The following OLFML2B variants were observed in gnomAD, a reference collection of about 807,000 sequenced individuals.
OLFML2B encodes the protein olfactomedin-like protein 2B.
OLFML2B carries 57 observed loss-of-function variants against 74.9 expected under a neutral mutation model. That is an observed-to-expected ratio of 0.76 (90% CI 0.61 to 0.95). The LOEUF (loss-of-function observed/expected upper bound fraction) is 0.95. Among genes scored for constraint, OLFML2B ranks in the 40% least tolerant of loss-of-function variants. The pLI is 0.00. For missense variants in OLFML2B, 986 were observed against 970.6 expected, an observed-to-expected ratio of 1.02 and a Z score of -0.21; for synonymous variants, 388 against 405.8, an observed-to-expected ratio of 0.96 and a Z score of 0.53.
rs1046521027 is a variant in OLFML2B, at chr1:162,023,546, G to A, written c.-116C>T. 7.4e-6 allele frequency: 8 copies of A among 1,085,686 alleles called. No homozygotes were observed. Among genetic ancestry groups the A allele is most frequent in the Non-Finnish European group, 9.9e-6 (8 of 804,192 alleles). The allele number at this position is 1,085,686 out of a possible 1,614,324, so 67.3% of individuals were successfully genotyped here. ...TAGAGCCCGAAAGTGGCTGCTGAGAGCACCTTCTAAAGCTGGGTGCGGCTG... is the reference window on the plus strand; with the variant it reads ...TAGAGCCCGAAAGTGGCTGCTGAGAACACCTTCTAAAGCTGGGTGCGGCTG... On this transcript the variant is annotated 5_prime_UTR_variant, in exon 1 of 8. Transcript: ENST00000294794.
At chr1:161,988,758 T>G (rs1689657206) in intron 6 of OLFML2B, among the ~76,000 whole-genome samples, 1 of 152,070 alleles carries the variant, frequency 6.6e-6, no homozygotes, top group Non-Finnish European at 1.5e-5. Context: ...ACTCAGCTCC[T>G]GCCAACAACT....
rs1396633158 is a variant in OLFML2B at position 161,984,798 on chromosome 1, A to G, written c.1651+6T>C. ...GAGCAGTCTGGGTTGGATCTTTATC[A>G]TGTACCTTGTTTGAAGTTCTCCAGG... On this transcript the variant is annotated splice_donor_region_variant and intron_variant, in intron 7 of 7. Transcript: ENST00000294794. 3.1e-6 allele frequency: 5 copies of G among 1,613,052 alleles called. No homozygotes were observed. Among genetic ancestry groups the G allele is most frequent in the Non-Finnish European group, 4.2e-6 (5 of 1,179,478 alleles).
chr1:161,991,678 G>A (rs1160119257), intron 6 of OLFML2B, among the ~76,000 whole-genome samples: 1 of 152,242 alleles, frequency 6.6e-6, no homozygotes, highest in African/African-American at 2.4e-5. Flanking sequence ...AGAGGTTGCA[G>A]TGAGCTGAAA....
intron 4 of OLFML2B, among the ~76,000 whole-genome samples, chr1:162,004,990 C>A (rs920204048): frequency 3.9e-5 from 6 of 152,198 alleles, no homozygotes; most frequent in African/African-American, 1.2e-4. Context: ...GCCCAGTGAC[C>A]CCTTTTATAA....
chr1:162,019,743 A>T (rs1191852749), intron 2 of OLFML2B, among the ~76,000 whole-genome samples, 176 bp downstream of exon 2: 1 of 152,090 alleles, frequency 6.6e-6, no homozygotes, highest in African/African-American at 2.4e-5. Flanking sequence ...TCCCTTATAC[A>T]CCAGAGCTGA....
chr1:161,997,881 G>T lies in OLFML2B; in HGVS notation c.1418C>A (p.Thr473Asn). Residue 473 changes from threonine (T) to asparagine (N), a missense_variant, in exon 6 of 8, where the codon ACC becomes AAC. Transcript: ENST00000294794. ...GGGGCTCAGCGTGGGGCTGGCAGGG[G>T]TTGTTCCCCACCCAGCAGGAGCATC... is the stretch of plus-strand genomic sequence containing the variant. ...GKDAPAGWGT[T>N]PASPTLSPEE... 3 of 1,614,192 alleles carry T rather than the reference G, an allele frequency of 1.9e-6. No homozygotes were observed. Among genetic ancestry groups the T allele is most frequent in the Non-Finnish European group, 2.5e-6 (3 of 1,180,034 alleles).
chr1:162,003,330 T>C (rs1690130994), intron 4 of OLFML2B, among the ~76,000 whole-genome samples: 1 of 152,242 alleles, frequency 6.6e-6, no homozygotes, highest in Non-Finnish European at 1.5e-5. Context: ...CGGCATCTAA[T>C]TACCGGACCC....
At chr1:161,984,404 TC>T in intron 7 of OLFML2B, 128 bp from the exon 8 acceptor site, 6 of 1,241,544 alleles carry the variant, frequency 4.8e-6, no homozygotes, top group Non-Finnish European at 6.5e-6. Flanking sequence ...TCTGCCACTT[TC>T]TAGCATCCTG....
intron 6 of OLFML2B, among the ~76,000 whole-genome samples, chr1:161,997,139 A>G (rs557835577): frequency 9.8e-5 from 15 of 152,346 alleles, no homozygotes; most frequent in Admixed American, 2.0e-4. Flanking sequence ...CCTGGGCGAC[A>G]GAGCGAGACT....
At position 161,999,500 on chromosome 1, in the gene OLFML2B, G is replaced by T. The variant is rs201829662; in HGVS notation, c.949+613C>A. Among the ~76,000 whole-genome samples, 37 of 152,288 alleles carry T rather than the reference G, an allele frequency of 2.4e-4. 1 individual carries two copies. The East Asian group carries it at 6.2e-3, about 25-fold the overall frequency. On this transcript the variant is annotated intron_variant, in intron 5 of 7. Coordinates refer to ENST00000294794, the MANE Select transcript of OLFML2B (RefSeq NM_015441.3). ...AGGAAGCTGCTGCATCAGCCCTGAT[G>T]GGGAAGGACTCGCTCAGACATACTG...
At chr1:162,003,907 T>G (rs1690149063) in intron 4 of OLFML2B, among the ~76,000 whole-genome samples, 1 of 152,160 alleles carries the variant, frequency 6.6e-6, no homozygotes, top group South Asian at 2.1e-4. Flanking sequence ...TTCCCCTTTC[T>G]GCCCCACCAC....
intron 4 of OLFML2B, among the ~76,000 whole-genome samples, chr1:162,005,484 G>C (rs745465731): frequency 6.6e-6 from 1 of 152,190 alleles, no homozygotes; most frequent in Non-Finnish European, 1.5e-5. Flanking sequence ...CAGCCACATG[G>C]TATAGTTATG....
intron 5 of OLFML2B, among the ~76,000 whole-genome samples, chr1:161,999,386 CA>C (rs67455805): frequency 6.6e-6 from 1 of 151,504 alleles, no homozygotes; most frequent in Non-Finnish European, 1.5e-5. Flanking sequence ...AAAAAATGAC[CA>C]AAAAAAACAC....
intron 3 of OLFML2B, among the ~76,000 whole-genome samples, chr1:162,010,190 A>G (rs1224182715): frequency 1.3e-5 from 2 of 152,232 alleles, no homozygotes; most frequent in African/African-American, 2.4e-5. Context: ...AACTGTGGCA[A>G]TGAAAGATTT....
Position 161,998,312 on chromosome 1 carries a change from CAAA to C in OLFML2B, c.984_986del (p.Asp328_Leu329delinsGlu), listed in dbSNP as rs1689980786. On this transcript the variant is annotated inframe_deletion, in exon 6 of 8. Transcript: ENST00000294794. ...GTCTCAGGAGCTGATCTTCAATCAGCAAATCCACTCCATTGTCACCGCTGAAAA... is the reference window on the plus strand; with the variant it reads ...GTCTCAGGAGCTGATCTTCAATCAGCTCCACTCCATTGTCACCGCTGAAAA... The C allele has an allele frequency of 5.1e-6, 8 of 1,579,636 alleles. No homozygotes were observed. The highest frequency in any genetic ancestry group is 6.9e-6 in the Non-Finnish European group (8 of 1,156,952).
chr1:162,023,725 C>G lies in OLFML2B; in HGVS notation c.-295G>C. 4.5e-6 allele frequency: 1 copy of G among 221,320 alleles called. No homozygotes were observed. Among genetic ancestry groups the G allele is most frequent in the South Asian group, 1.7e-4 (1 of 5,734 alleles). The allele number at this position is 221,320 out of a possible 1,614,324, so 13.7% of individuals were successfully genotyped here. On this transcript the variant is annotated 5_prime_UTR_variant, in exon 1 of 8. Transcript: ENST00000294794. ...GCACGGGCTAGCTGAGCGAGTCGCCCGCAGGAGGGCTCAGGTGGCTGGAAG... is the reference window on the plus strand; with the variant it reads ...GCACGGGCTAGCTGAGCGAGTCGCCGGCAGGAGGGCTCAGGTGGCTGGAAG...
At chr1:162,005,363 A>G (rs544237075) in intron 4 of OLFML2B, among the ~76,000 whole-genome samples, 1 of 152,328 alleles carries the variant, frequency 6.6e-6, no homozygotes, top group African/African-American at 2.4e-5. Context: ...ACCCTCTGCC[A>G]CCACTTCCCA....
intron 4 of OLFML2B, among the ~76,000 whole-genome samples, chr1:162,005,701 C>T (rs7555648): frequency 0.64 from 97,538 of 151,766 alleles, 31,622 homozygotes; most frequent in African/African-American, 0.73. Flanking sequence ...AGACCAGCCG[C>T]ATTTACAGAA....
intron 6 of OLFML2B, among the ~76,000 whole-genome samples, chr1:161,995,477 G>A (rs1689867011): frequency 6.6e-6 from 1 of 152,216 alleles, no homozygotes; most frequent in African/African-American, 2.4e-5. Flanking sequence ...GGGACACATG[G>A]CTTCTCTGGG....
Sources: allele counts gnomAD v4.1 joint callset (sites outside exome capture counted in the v4.1 genomes callset), GRCh38; gene constraint gnomAD v4.1.1; transcripts MANE v1.5; gene names NCBI Gene and HGNC (gene_info 2026-07-23, HGNC 2026-07-21).